Variants in PARP11 observed in about 807,000 individuals in gnomAD.
The protein encoded by PARP11 is poly(ADP-ribose) polymerase family member 11.
A neutral mutation model predicts 42.9 loss-of-function variants in PARP11; 31 were observed. The ratio of observed to expected loss-of-function variants is 0.72; its 90% CI spans 0.54 to 0.98. The LOEUF is 0.98. Ranked by LOEUF, PARP11 falls within the 50% of genes least tolerant of loss-of-function variation. PARP11 has a pLI of 0.00. For synonymous variants in PARP11, 137 were observed against 127.3 expected (o/e 1.08, Z -0.51); for missense variants, 365 against 413.1 (o/e 0.88, Z 1.01).
At chr12:3,862,570 T>C (rs559386438) in intron 1 of PARP11, among the ~76,000 whole-genome samples, 1 of 149,540 alleles carries the variant, frequency 6.7e-6, no homozygotes, top group East Asian at 1.9e-4. Flanking sequence ...TAAATTTTTC[T>C]ATACTATATA....
chr12:3,825,567 GC>G (rs1459383468), intron 4 of PARP11, among the ~76,000 whole-genome samples: 2 of 152,124 alleles, frequency 1.3e-5, no homozygotes, highest in Non-Finnish European at 2.9e-5. Context: ...TGAGTTTAGA[GC>G]AGAGACCATA....
chr12:3,840,392 A>G lies in PARP11; in HGVS notation c.19-10374T>C. ...TCTGATATGGATTACAGAGGGCCAA[A>G]GAATCCAAGCAAGCCAATAAAAGCC... On this transcript the variant is annotated intron_variant, in intron 1 of 7. Transcript: ENST00000228820. This position sits in a 1 kb window ranked among gnomAD's most constrained non-coding sequence, Gnocchi z 4.4. The G allele has an allele frequency of 6.2e-7, 1 of 1,613,988 alleles. No individual in the cohort carries two copies. Among genetic ancestry groups the G allele is most frequent in the Non-Finnish European group, 8.5e-7 (1 of 1,179,810 alleles).
chr12:3,823,719 C>T (rs917988498), intron 4 of PARP11, among the ~76,000 whole-genome samples: 3 of 152,144 alleles, frequency 2.0e-5, no homozygotes, highest in Non-Finnish European at 2.9e-5. Flanking sequence ...AGTTCGAGAC[C>T]AGCCTGGGCA....
intron 1 of PARP11, chr12:3,839,398 G>A (rs1947841635): frequency 6.4e-7 from 1 of 1,568,070 alleles, no homozygotes; most frequent in African/African-American, 1.4e-5. Flanking sequence ...GCGGAAACTG[G>A]GCTTGTATCG....
intron 1 of PARP11, among the ~76,000 whole-genome samples, chr12:3,864,289 G>C (rs887584481): frequency 6.6e-6 from 1 of 152,152 alleles, no homozygotes; most frequent in African/African-American, 2.4e-5. Context: ...ACATCAGTAG[G>C]TCATGATGTA....
At chr12:3,822,324 C>T (rs1947412605) in intron 4 of PARP11, among the ~76,000 whole-genome samples, 167 bp from the exon 5 acceptor site, 3 of 152,128 alleles carry the variant, frequency 2.0e-5, no homozygotes, top group East Asian at 1.9e-4. Flanking sequence ...GTCGGCCGGG[C>T]GCGGTGGCTC....
At position 3,873,245 on chromosome 12, in the gene PARP11, G is replaced by C; in HGVS notation, c.-16C>G. ...CTTCCCACATAACGGTGACAAAATC[G>C]AGCGGAGAGAGCCTGTGGGAAGGGG... On this transcript the variant is annotated 5_prime_UTR_variant, in exon 1 of 8. Coordinates refer to ENST00000228820, the MANE Select transcript of PARP11 (RefSeq NM_020367.6). 6.5e-7 allele frequency: 1 copy of C among 1,547,690 alleles called. No homozygotes were observed. Among genetic ancestry groups the C allele is most frequent in the Admixed American group, 2.0e-5 (1 of 50,818 alleles).
At chr12:3,842,177 T>C in intron 1 of PARP11, 2 of 1,611,644 alleles carry the variant, frequency 1.2e-6, no homozygotes, top group South Asian at 2.2e-5. Context: ...CTAAGACTGC[T>C]GCTGATGTGG....
intron 6 of PARP11, among the ~76,000 whole-genome samples, chr12:3,817,341 C>T (rs1030512208): frequency 3.3e-5 from 5 of 152,068 alleles, no homozygotes; most frequent in Non-Finnish European, 4.4e-5. Context: ...TGGAAAACAA[C>T]GCTTACTTAC....
intron 1 of PARP11, among the ~76,000 whole-genome samples, chr12:3,846,779 A>AAAAG (rs59468704): frequency 0.3 from 44,244 of 148,690 alleles, 7,366 homozygotes; most frequent in East Asian, 0.55. Flanking sequence ...AAAGAAAAGA[A>AAAAG]AAAAGAAATA....
Position 3,828,968 on chromosome 12 carries a change from G to A in PARP11, c.210C>T (p.Asn70=). ...SEDIEKSFKT[N]PCGSISFTTS... ...TAGTAAAAGAAATGGAGCCACAAGG[G>A]TTTGTTTTGAAGCTTTTTTCGATAT... The change falls in exon 3 of 8, where the codon AAC becomes AAT. Residue 70 remains asparagine, a synonymous_variant. Coordinates refer to ENST00000228820, the MANE Select transcript of PARP11 (RefSeq NM_020367.6). 1.2e-6 allele frequency: 2 copies of A among 1,613,884 alleles called. No homozygotes were observed. Among genetic ancestry groups the A allele is most frequent in the Non-Finnish European group, 1.7e-6 (2 of 1,179,818 alleles).
intron 1 of PARP11, among the ~76,000 whole-genome samples, chr12:3,871,124 T>C (rs935856377): frequency 1.3e-5 from 2 of 152,114 alleles, no homozygotes; most frequent in African/African-American, 2.4e-5. Flanking sequence ...CTTAAAAACA[T>C]AGGGAAATGT....
intron 1 of PARP11, among the ~76,000 whole-genome samples, chr12:3,831,257 C>T (rs1399164403): frequency 6.6e-6 from 1 of 152,026 alleles, no homozygotes; most frequent in Non-Finnish European, 1.5e-5. Flanking sequence ...CTCTCTCTCT[C>T]TCTCACTCTG....
intron 1 of PARP11, among the ~76,000 whole-genome samples, chr12:3,870,026 A>AT (rs934420291): frequency 6.6e-6 from 1 of 152,176 alleles, no homozygotes; most frequent in Admixed American, 6.5e-5. Context: ...ATGGCATGAG[A>AT]TTTTATCACA....
rs1298368793 is a variant in PARP11 at position 3,839,215 on chromosome 12, G to C, written c.19-9197C>G. Among the ~76,000 whole-genome samples the C allele has an allele frequency of 2.7e-5, 4 of 150,074 alleles. No individual in the cohort carries two copies. In the East Asian group the frequency reaches 7.8e-4, roughly 29 times the overall value. On this transcript the variant is annotated intron_variant, in intron 1 of 7. Coordinates refer to ENST00000228820, the MANE Select transcript of PARP11 (RefSeq NM_020367.6). ...AGCCCGAGCCCCAGCCCGAGCCGCC[G>C]CCTACCCCAGGCCGGGGCGTCGAGC... is the stretch of plus-strand genomic sequence containing the variant.
rs201446940 is a variant in PARP11, at chr12:3,822,073, T to C, written c.417+12A>G. 3 of 1,612,874 alleles carry C rather than the reference T, an allele frequency of 1.9e-6. No individual in the cohort carries two copies. The highest frequency in any genetic ancestry group is 2.5e-6 in the Non-Finnish European group (3 of 1,179,456). On this transcript the variant is annotated intron_variant, in intron 5 of 7. Coordinates refer to ENST00000228820, the MANE Select transcript of PARP11 (RefSeq NM_020367.6). ...TTCTTTCATGGGTATATTCAGTCAA[T>C]TCTGCTCTTACCTGATATGGTACTT...
intron 1 of PARP11, 121 bp downstream of exon 1, chr12:3,873,091 G>C: frequency 1.0e-6 from 1 of 980,368 alleles, no homozygotes; most frequent in Non-Finnish European, 1.6e-6. Flanking sequence ...CGGGAACTCC[G>C]GTCCCGGAAC....
chr12:3,812,386 T>G lies in PARP11; in HGVS notation c.754A>C (p.Ile252Leu). The G allele has an allele frequency of 6.2e-7, 1 of 1,614,194 alleles. No homozygotes were observed. Among genetic ancestry groups the G allele is most frequent in the South Asian group, 1.1e-5 (1 of 91,076 alleles). The change falls in exon 8 of 8, where the codon ATA becomes CTA. Residue 252 changes from isoleucine (I) to leucine (L), a missense_variant. Coordinates refer to ENST00000228820, the MANE Select transcript of PARP11 (RefSeq NM_020367.6). ...AYSSRFCKDD[I>L]KHGNTFQIHG... ...ATTTGGAATGTGTTCCCATGCTTTA[T>G]GTCATCTTTGCAGAAACGACTGGAA...
chr12:3,823,912 T>C (rs1160969525), intron 4 of PARP11, among the ~76,000 whole-genome samples: 1 of 143,130 alleles, frequency 7.0e-6, no homozygotes, highest in Non-Finnish European at 1.5e-5. Context: ...TAAGACTCTG[T>C]CTCAAAAAAA....
Sources: allele counts gnomAD v4.1 joint callset (sites outside exome capture counted in the v4.1 genomes callset), GRCh38; gene constraint gnomAD v4.1.1; non-coding constraint Gnocchi (gnomAD v3.1); transcripts MANE v1.5; gene names NCBI Gene and HGNC (gene_info 2026-07-23, HGNC 2026-07-21).